The following ATP13A4 variants were observed in gnomAD, a reference collection of about 807,000 sequenced individuals.
The protein encoded by ATP13A4 is ATPase 13A4, also known as probable cation-transporting ATPase 13A4.
Under a neutral mutation model 142.5 loss-of-function variants are expected in ATP13A4, and 114 were observed. The ratio of observed to expected loss-of-function variants is 0.80; its 90% CI spans 0.69 to 0.93. ATP13A4 has a LOEUF of 0.93. ATP13A4 is among the 40% of genes least tolerant of loss of function. The pLI is 0.00. For missense variants in ATP13A4, 1,392 were observed against 1,454.0 expected (o/e 0.96, Z 0.69); for synonymous variants, 488 against 514.8 (o/e 0.95, Z 0.70).
In ATP13A4 at chr3:193,440,635, T is replaced by C. The variant is rs1318970165; in HGVS notation, c.2442A>G (p.Ile814Met). ...TTGCAAAGATGGTCCCATTGATCAATATCTGTAAGGAACCCAAAATGGAGA... is the reference window on the plus strand; with the variant it reads ...TTGCAAAGATGGTCCCATTGATCAACATCTGTAAGGAACCCAAAATGGAGA... Reference protein sequence around the residue: ...SQHFSSLLPKILINGTIFARM... With the variant: ...SQHFSSLLPKMLINGTIFARM... The change falls in exon 21 of 30, where the codon ATA becomes ATG. Residue 814 changes from isoleucine to methionine, a missense_variant and splice_region_variant. Transcript: ENST00000342695. 15 of 1,613,650 alleles carry C rather than the reference T, an allele frequency of 9.3e-6. No homozygotes were observed. The highest frequency in any genetic ancestry group is 1.3e-5 in the African/African-American group (1 of 75,024).
intron 3 of ATP13A4, among the ~76,000 whole-genome samples, chr3:193,502,271 C>T (rs1425582898): frequency 3.9e-5 from 6 of 152,262 alleles, no homozygotes; most frequent in African/African-American, 1.4e-4. Flanking sequence ...TTATTATCAT[C>T]ATTTTGTAGA....
At chr3:193,554,435 G>T in intron 1 of ATP13A4, 1 of 454,002 alleles carries the variant, frequency 2.2e-6, no homozygotes, top group Non-Finnish European at 4.1e-6. Flanking sequence ...ATACCAATGA[G>T]GCTCAAACAA....
intron 2 of ATP13A4, among the ~76,000 whole-genome samples, chr3:193,572,938 C>T (rs1233297266): frequency 6.9e-6 from 1 of 145,416 alleles, no homozygotes; most frequent in South Asian, 2.2e-4. Flanking sequence ...GACCAACCTG[C>T]GCAATATGGT....
At chr3:193,556,626 T>TG (rs369456477), upstream of ATP13A4, among the ~76,000 whole-genome samples, 4,699 of 151,356 alleles carry the variant, frequency 0.031, 77 homozygotes, top group East Asian at 0.037. Context: ...AAAGGGTTTA[T>TG]GGGGGGGGTA....
chr3:193,524,294 G>A (rs1430748394), intron 1 of ATP13A4, among the ~76,000 whole-genome samples: 1 of 152,136 alleles, frequency 6.6e-6, no homozygotes, highest in Non-Finnish European at 1.5e-5. Flanking sequence ...TTTGTGTCTG[G>A]CATCTGCAGG....
At chr3:193,509,775 G>C (rs1721045210) in intron 2 of ATP13A4, among the ~76,000 whole-genome samples, 1 of 152,180 alleles carries the variant, frequency 6.6e-6, no homozygotes, top group African/African-American at 2.4e-5. Context: ...TGTGGCTGAG[G>C]AATGAGGAGA....
rs545329683 is a variant in ATP13A4, at chr3:193,501,434, A to C, written c.381+1059T>G. ...GAAATTCCGTCTCTACTGAAAACACAAAAATTAGCTGGGTGTGGTAGCAGG... is the reference window on the plus strand; with the variant it reads ...GAAATTCCGTCTCTACTGAAAACACCAAAATTAGCTGGGTGTGGTAGCAGG... On this transcript the variant is annotated intron_variant, in intron 3 of 29. Coordinates refer to ENST00000342695, the MANE Select transcript of ATP13A4 (RefSeq NM_032279.4). Among the ~76,000 whole-genome samples the C allele has an allele frequency of 1.5e-4, 23 of 152,210 alleles. 1 individual carries two copies. The highest frequency in any genetic ancestry group is 4.1e-4 in the South Asian group (2 of 4,820).
intron 28 of ATP13A4, among the ~76,000 whole-genome samples, chr3:193,409,434 C>G (rs968295277): frequency 1.6e-4 from 24 of 152,146 alleles, no homozygotes; most frequent in Admixed American, 1.6e-3. Flanking sequence ...AATGACCCTA[C>G]CCAGGTTCTC....
intron 25 of ATP13A4, 74 bp downstream of exon 25, chr3:193,433,771 G>T: frequency 9.2e-7 from 1 of 1,086,242 alleles, no homozygotes; most frequent in South Asian, 1.3e-5. Context: ...CCTCATGGTA[G>T]ACAAATCTTT....
chr3:193,421,294 G>T (rs1436039633), intron 25 of ATP13A4, among the ~76,000 whole-genome samples: 1 of 149,388 alleles, frequency 6.7e-6, no homozygotes, highest in Non-Finnish European at 1.5e-5. Context: ...ATAAAAACTG[G>T]CAGCTGAAAA....
chr3:193,546,204 A>G (rs888164322), intron 1 of ATP13A4, among the ~76,000 whole-genome samples: 1 of 152,132 alleles, frequency 6.6e-6, no homozygotes, highest in Non-Finnish European at 1.5e-5. Context: ...CCCTTAGGAA[A>G]CCCACCCTCA....
chr3:193,517,683 A>C (rs1226444290), intron 1 of ATP13A4, among the ~76,000 whole-genome samples: 1 of 148,394 alleles, frequency 6.7e-6, no homozygotes, highest in Non-Finnish European at 1.5e-5. Context: ...ACGGGGTTTC[A>C]CCGTGTTGGC....
chr3:193,500,746 G>A (rs1214823950), intron 3 of ATP13A4, among the ~76,000 whole-genome samples: 2 of 152,102 alleles, frequency 1.3e-5, no homozygotes, highest in Non-Finnish European at 1.5e-5. Flanking sequence ...CTGGGGATTG[G>A]GGACCCCTCC....
intron 25 of ATP13A4, among the ~76,000 whole-genome samples, chr3:193,429,634 G>C (rs907546829): frequency 6.6e-6 from 1 of 151,914 alleles, no homozygotes; most frequent in Non-Finnish European, 1.5e-5. Context: ...AAAGGATGGG[G>C]AGTTATTGCT....
In ATP13A4 at chr3:193,401,762, A is replaced by C. The variant is rs1430759762; in HGVS notation, c.*890T>G. On this transcript the variant is annotated 3_prime_UTR_variant, in exon 30 of 30. Transcript: ENST00000342695. ...AGCCAAGTGTGGGGACCTTCTAAGC[A>C]TGGGGCCCTGTGTAGTGACAGCTCA... Among the ~76,000 whole-genome samples the C allele has an allele frequency of 2.0e-5, 3 of 152,202 alleles. No homozygotes were observed. The highest frequency in any genetic ancestry group is 4.4e-5 in the Non-Finnish European group (3 of 68,028).
At chr3:193,462,301 T>A (rs1249669248) in intron 13 of ATP13A4, among the ~76,000 whole-genome samples, 1 of 151,442 alleles carries the variant, frequency 6.6e-6, no homozygotes, top group Non-Finnish European at 1.5e-5. Flanking sequence ...CCAAGAAACA[T>A]GAGTACACTA....
At chr3:193,519,212 T>C (rs1198098216) in intron 1 of ATP13A4, among the ~76,000 whole-genome samples, 2 of 152,212 alleles carry the variant, frequency 1.3e-5, no homozygotes, top group African/African-American at 4.8e-5. Context: ...AATTTTGATT[T>C]TGAAACCCAT....
chr3:193,591,599 A>ATT (rs1724788253), intron 1 of ATP13A4, among the ~76,000 whole-genome samples: 1 of 152,168 alleles, frequency 6.6e-6, no homozygotes, highest in Non-Finnish European at 1.5e-5. Context: ...ATCTTTTCCC[A>ATT]TTTCATACAG....
intron 1 of ATP13A4, among the ~76,000 whole-genome samples, chr3:193,584,653 T>A (rs761843547): frequency 9.2e-5 from 14 of 152,142 alleles, no homozygotes; most frequent in Non-Finnish European, 1.3e-4. Flanking sequence ...TTTTAAAATG[T>A]TTAATGTAAA....
Sources: gnomAD v4.1 joint callset for allele counts (sites outside exome capture counted in the v4.1 genomes callset) on GRCh38, gnomAD v4.1.1 for gene constraint, MANE v1.5 for transcripts, NCBI Gene and HGNC (gene_info 2026-07-23, HGNC 2026-07-21) for gene names.